Variants in MAP2K6 observed in about 807,000 individuals in gnomAD.
The protein encoded by MAP2K6 is dual specificity mitogen-activated protein kinase kinase 6.
Under a neutral mutation model 53.7 loss-of-function variants are expected in MAP2K6, and 16 were observed. The ratio of observed to expected loss-of-function variants is 0.30; its 90% CI spans 0.20 to 0.45. The LOEUF is 0.45. Among genes scored for constraint, MAP2K6 ranks in the 20% least tolerant of loss-of-function variants. The pLI, the probability that MAP2K6 is intolerant of heterozygous loss-of-function variation, is 1.00. For synonymous variants in MAP2K6, 132 were observed against 143.1 expected (o/e 0.92, Z 0.55); for missense variants, 204 against 411.9 (o/e 0.50, Z 4.37).
At chr17:69,492,847 C>T (rs1908802648) in intron 1 of MAP2K6, among the ~76,000 whole-genome samples, 1 of 152,168 alleles carries the variant, frequency 6.6e-6, no homozygotes, top group African/African-American at 2.4e-5. Context: ...TCATAGGTTG[C>T]ATGGATTAGG....
Position 69,517,631 on chromosome 17 carries a change from C to G in MAP2K6, c.246+18C>G. 2 of 1,562,628 alleles carry G rather than the reference C, an allele frequency of 1.3e-6. No individual in the cohort carries two copies. The highest frequency in any genetic ancestry group is 1.7e-6 in the Non-Finnish European group (2 of 1,148,260). ...CAGTGAAGGTAGAGTTGACATTCTC[C>G]CAAATGTTTTATATCTGCTGTGTAT... On this transcript the variant is annotated intron_variant, in intron 4 of 11. Transcript: ENST00000590474.
intron 1 of MAP2K6, among the ~76,000 whole-genome samples, chr17:69,474,933 C>T (rs751537836): frequency 6.6e-6 from 1 of 152,162 alleles, no homozygotes; most frequent in Admixed American, 6.5e-5. Context: ...ACTGAGGATT[C>T]AGTGCCCCTT....
intron 1 of MAP2K6, among the ~76,000 whole-genome samples, chr17:69,499,511 G>T (rs1298246558): frequency 2.0e-5 from 3 of 152,204 alleles, no homozygotes; most frequent in Non-Finnish European, 2.9e-5. Flanking sequence ...GATTTGAAAT[G>T]ATTCTTATTG....
chr17:69,498,948 A>G (rs2716215), intron 1 of MAP2K6, among the ~76,000 whole-genome samples: 62,170 of 151,800 alleles, frequency 0.41, 13,023 homozygotes, highest in East Asian at 0.51. Flanking sequence ...ATGTCTGGCC[A>G]CTGGTTTGGA....
chr17:69,452,179 A>C (rs1290893726), intron 1 of MAP2K6, among the ~76,000 whole-genome samples: 1 of 150,896 alleles, frequency 6.6e-6, no homozygotes, highest in East Asian at 1.9e-4. Flanking sequence ...GGTTTTCATA[A>C]CTGGGGTAGG....
chr17:69,459,839 T>G (rs1907555153), intron 1 of MAP2K6, among the ~76,000 whole-genome samples: 1 of 150,542 alleles, frequency 6.6e-6, no homozygotes, highest in South Asian at 2.1e-4. Flanking sequence ...CCCTTCCTCT[T>G]TTTCTTCCTT....
At position 69,414,814 on chromosome 17, in the gene MAP2K6, GCATTTC is replaced by G. The variant is rs1452441258; in HGVS notation, c.-167_-162del. ...CTTTCCAGTCTGTTTTGCAAGGTGTGCATTTCCATCTTGATTCCCTGAAAGTCCATC... is the reference window on the plus strand; with the variant it reads ...CTTTCCAGTCTGTTTTGCAAGGTGTGCATCTTGATTCCCTGAAAGTCCATC... On this transcript the variant is annotated 5_prime_UTR_variant, in exon 1 of 12. Coordinates refer to ENST00000590474, the MANE Select transcript of MAP2K6 (RefSeq NM_002758.4). 18 of 625,720 alleles carry G rather than the reference GCATTTC, an allele frequency of 2.9e-5. No homozygotes were observed. The highest frequency in any genetic ancestry group is 1.5e-4 in the Admixed American group (5 of 34,394). 38.8% of individuals were successfully genotyped at this position (625,720 alleles called of 1,614,324 possible). A position where few individuals can be genotyped will look rare whatever the true frequency, so the allele number is the denominator to read the frequency against.
chr17:69,422,124 A>ATTTTTTTTTTTTTTTTTTT (rs35694490), intron 1 of MAP2K6, among the ~76,000 whole-genome samples: 1 of 87,366 alleles, frequency 1.1e-5, no homozygotes, highest in Non-Finnish European at 2.1e-5. Context: ...AATCATCGTA[A>ATTTTTTTTTTTTTTTTTTT]TTTTTTTTTT....
chr17:69,470,595 A>G (rs535099416), intron 1 of MAP2K6, among the ~76,000 whole-genome samples: 2 of 152,330 alleles, frequency 1.3e-5, no homozygotes, highest in African/African-American at 4.8e-5. Flanking sequence ...TGACATTGTG[A>G]TGGGAGATAA....
At chr17:69,487,864 C>T (rs1218398488) in intron 1 of MAP2K6, among the ~76,000 whole-genome samples, 12 of 151,982 alleles carry the variant, frequency 7.9e-5, no homozygotes, top group Admixed American at 7.2e-4. Context: ...AAAATCAATC[C>T]AATAAAAACC....
chr17:69,496,713 TTCTACCTCTCTGTTTGTCATTCCCAGA>T (rs891021441), intron 1 of MAP2K6, among the ~76,000 whole-genome samples: 1 of 152,054 alleles, frequency 6.6e-6, no homozygotes, highest in African/African-American at 2.4e-5. Context: ...TCAGGCAACT[TTCTACCTCTCTGTTTGTCATTCCCAGA>T]TCTACTCATT....
At position 69,414,921 on chromosome 17, in the gene MAP2K6, G is replaced by A; in HGVS notation, c.-64G>A. The A allele has an allele frequency of 6.8e-7, 1 of 1,466,956 alleles. No individual in the cohort carries two copies. The highest frequency in any genetic ancestry group is 9.5e-7 in the Non-Finnish European group (1 of 1,052,144). The allele number at this position is 1,466,956 out of a possible 1,614,324, so 90.9% of individuals were successfully genotyped here. A position where few individuals can be genotyped will look rare whatever the true frequency, so the allele number is the denominator to read the frequency against. On this transcript the variant is annotated 5_prime_UTR_variant, in exon 1 of 12. The change abolishes the stop of an existing upstream ORF in the 5' untranslated region. Coordinates refer to ENST00000590474, the MANE Select transcript of MAP2K6 (RefSeq NM_002758.4). ...AGCTTGCATCTTTGTTGCAAAACTA[G>A]CTACAGAAGAGAAGCAAGGCAAAGT...
rs1911768718 is a variant in MAP2K6 at position 69,543,829 on chromosome 17, G to A, written c.*2076G>A. ...TCTCATATGTATGCCTCTCCCATCT[G>A]TGAACCTAGGCCAAAGTTGCAAAAA... is the stretch of plus-strand genomic sequence containing the variant. On this transcript the variant is annotated 3_prime_UTR_variant, in exon 12 of 12. Transcript: ENST00000590474. 1 of 152,154 alleles carries A rather than the reference G, an allele frequency of 6.6e-6. No homozygotes were observed. Among genetic ancestry groups the A allele is most frequent in the Admixed American group, 6.5e-5 (1 of 15,276 alleles). The allele number at this position is 152,154 out of a possible 1,614,324, so 9.4% of individuals were successfully genotyped here. A position where few individuals can be genotyped will look rare whatever the true frequency, so the allele number is the denominator to read the frequency against.
intron 2 of MAP2K6, among the ~76,000 whole-genome samples, chr17:69,511,839 C>T (rs1459117443): frequency 3.3e-5 from 5 of 152,114 alleles, no homozygotes; most frequent in Non-Finnish European, 5.9e-5. Context: ...ATTAGCTGGG[C>T]GTGGTGGCGG....
intron 1 of MAP2K6, among the ~76,000 whole-genome samples, chr17:69,493,606 C>T (rs562444956): frequency 1.3e-5 from 2 of 152,064 alleles, no homozygotes; most frequent in South Asian, 4.2e-4. Flanking sequence ...ACTAAAAATA[C>T]AAAAATAAGC....
At chr17:69,474,107 A>C (rs1166795771) in intron 1 of MAP2K6, among the ~76,000 whole-genome samples, 1 of 152,250 alleles carries the variant, frequency 6.6e-6, no homozygotes, top group African/African-American at 2.4e-5. Context: ...GAGTGATGTT[A>C]ATGTGAAGAG....
chr17:69,506,790 C>A (rs375960747), intron 2 of MAP2K6, among the ~76,000 whole-genome samples: 1 of 152,142 alleles, frequency 6.6e-6, no homozygotes, highest in African/African-American at 2.4e-5. Flanking sequence ...AGACACTTTC[C>A]ACTGGAGAAT....
intron 1 of MAP2K6, among the ~76,000 whole-genome samples, chr17:69,465,423 T>C (rs539461686): frequency 8.5e-5 from 13 of 152,254 alleles, no homozygotes; most frequent in African/African-American, 3.1e-4. Context: ...CATTTCTTCC[T>C]TTTGCTTTAA....
intron 2 of MAP2K6, among the ~76,000 whole-genome samples, chr17:69,515,372 G>T (rs1910088856): frequency 6.6e-6 from 1 of 151,978 alleles, no homozygotes; most frequent in Admixed American, 6.6e-5. Flanking sequence ...GGCCAGGCTG[G>T]TCTCGAACTC....
Sources: gnomAD v4.1 joint callset for allele counts (sites outside exome capture counted in the v4.1 genomes callset) on GRCh38, gnomAD v4.1.1 for gene constraint, MANE v1.5 for transcripts, NCBI Gene and HGNC (gene_info 2026-07-23, HGNC 2026-07-21) for gene names.